The following GNB1L variants were observed in gnomAD, a reference collection of about 807,000 sequenced individuals.
GNB1L encodes the protein G protein subunit beta 1 like, also known as guanine nucleotide-binding protein subunit beta-like protein 1.
GNB1L carries 20 observed loss-of-function variants against 29.1 expected under a neutral mutation model. That is an observed-to-expected ratio of 0.69 (90% CI 0.48 to 1.00). GNB1L has a LOEUF of 1.00. GNB1L is among the 50% of genes least tolerant of loss of function. The pLI, the probability that GNB1L is intolerant of heterozygous loss-of-function variation, is 0.00. For synonymous variants in GNB1L, 193 were observed against 206.5 expected (o/e 0.93, Z 0.56); for missense variants, 421 against 464.9 (o/e 0.91, Z 0.87).
chr22:19,817,600 T>C (rs1937539763), intron 4 of GNB1L, among the ~76,000 whole-genome samples: 1 of 152,268 alleles, frequency 6.6e-6, no homozygotes, highest in Non-Finnish European at 1.5e-5. Flanking sequence ...ATGCTGCTCC[T>C]TATGTCTCCA....
At chr22:19,813,785 A>G (rs2145876617) in intron 4 of GNB1L, among the ~76,000 whole-genome samples, 1 of 152,270 alleles carries the variant, frequency 6.6e-6, no homozygotes, top group East Asian at 1.9e-4. Flanking sequence ...GCTTGAGCCC[A>G]GGAATTCCAG....
Position 19,847,711 on chromosome 22 carries a change from T to C in GNB1L, c.-21+6732A>G, listed in dbSNP as rs531784946. 13 of 983,902 alleles carry C rather than the reference T, an allele frequency of 1.3e-5. No individual in the cohort carries two copies. The African/African-American group carries it at 2.1e-4, about 16-fold the overall frequency. The allele number at this position is 983,902 out of a possible 1,614,324, so 60.9% of individuals were successfully genotyped here. A position where few individuals can be genotyped will look rare whatever the true frequency, so the allele number is the denominator to read the frequency against. On this transcript the variant is annotated intron_variant, in intron 2 of 7. Transcript: ENST00000329517. ...ATTGTTACGTGGTCAAATTATATTA[T>C]TGTGTATTCCCACCAACAGTATGAG... is the stretch of plus-strand genomic sequence containing the variant.
chr22:19,849,188 C>T, intron 2 of GNB1L: 2 of 985,402 alleles, frequency 2.0e-6, no homozygotes, highest in Non-Finnish European at 2.4e-6. Context: ...AGGGCTATAC[C>T]TGCTTTCTAA....
In GNB1L at chr22:19,788,584, A is replaced by G. The variant is rs1271448598; in HGVS notation, c.*125T>C. On this transcript the variant is annotated 3_prime_UTR_variant, in exon 8 of 8. Coordinates refer to ENST00000329517, the MANE Select transcript of GNB1L (RefSeq NM_053004.3). Reference sequence around the variant, plus strand: ...TACCAACCTCATGAAGACAGCGGGGACTCCATGGTCCTTGGGCCATGACTT... The same window carrying G: ...TACCAACCTCATGAAGACAGCGGGGGCTCCATGGTCCTTGGGCCATGACTT... The G allele has an allele frequency of 8.6e-7, 1 of 1,165,896 alleles. No homozygotes were observed. The highest frequency in any genetic ancestry group is 2.3e-5 in the East Asian group (1 of 42,880). 72.2% of individuals were successfully genotyped at this position (1,165,896 alleles called of 1,614,324 possible).
chr22:19,854,354 G>A (rs902174641), intron 2 of GNB1L, 89 bp downstream of exon 2: 1 of 152,800 alleles, frequency 6.5e-6, no homozygotes, highest in Admixed American at 6.5e-5. Context: ...AGCAAGCTGA[G>A]TGCAGACGAC....
chr22:19,819,559 C>T (rs925607792), intron 4 of GNB1L, among the ~76,000 whole-genome samples: 5 of 152,190 alleles, frequency 3.3e-5, no homozygotes, highest in Admixed American at 1.3e-4. Flanking sequence ...ACAGCAGTCA[C>T]GGAGGGTAGG....
intron 2 of GNB1L, among the ~76,000 whole-genome samples, chr22:19,838,994 C>T (rs367839588): frequency 6.6e-6 from 1 of 152,170 alleles, no homozygotes; most frequent in Non-Finnish European, 1.5e-5. Context: ...CAGAAAGGAA[C>T]AAACTATTGA....
rs1937213448 is a variant in GNB1L at position 19,788,564 on chromosome 22, A to G, written c.*145T>C. 9.5e-7 allele frequency: 1 copy of G among 1,052,540 alleles called. No individual in the cohort carries two copies. The highest frequency in any genetic ancestry group is 1.5e-6 in the Non-Finnish European group (1 of 669,202). 65.2% of individuals were successfully genotyped at this position (1,052,540 alleles called of 1,614,324 possible). On this transcript the variant is annotated 3_prime_UTR_variant, in exon 8 of 8. Coordinates refer to ENST00000329517, the MANE Select transcript of GNB1L (RefSeq NM_053004.3). Reference sequence around the variant, plus strand: ...AGGCACTCCACAAAAGGAAATACCAACCTCATGAAGACAGCGGGGACTCCA... The same window carrying G: ...AGGCACTCCACAAAAGGAAATACCAGCCTCATGAAGACAGCGGGGACTCCA...
intron 4 of GNB1L, among the ~76,000 whole-genome samples, chr22:19,819,670 C>T (rs1411029424): frequency 6.6e-6 from 1 of 152,178 alleles, no homozygotes; most frequent in East Asian, 1.9e-4. Flanking sequence ...GGTCTGAATA[C>T]CAATGGGGAC....
chr22:19,846,508 C>A, intron 2 of GNB1L: 1 of 985,496 alleles, frequency 1.0e-6, no homozygotes, highest in Non-Finnish European at 1.2e-6. Context: ...ACCACAGAAG[C>A]CTGCCCAATA....
In GNB1L at chr22:19,788,800, A is replaced by G. The variant is rs1370067680; in HGVS notation, c.893T>C (p.Val298Ala). 1 of 1,612,636 alleles carries G rather than the reference A, an allele frequency of 6.2e-7. No individual in the cohort carries two copies. The part of the protein sequence containing the change: ...LAVLAFHSAA[V>A]QCVAFTADGL... ...ATCGGCGGTGAAGGCCACGCACTGG[A>G]CAGCGGCGCTGTGGAAGGCCAGCAC... The change falls in exon 8 of 8, where the codon GTC becomes GCC. Residue 298 changes from valine (V) to alanine (A), a missense_variant. Physicochemically the swap from Val to Ala is moderately conservative, Grantham distance 64. Transcript: ENST00000329517.
At chr22:19,811,543 C>T (rs1937500710) in intron 5 of GNB1L, among the ~76,000 whole-genome samples, 1 of 152,164 alleles carries the variant, frequency 6.6e-6, no homozygotes, top group South Asian at 2.1e-4. Flanking sequence ...CCCCGCACAT[C>T]TTGGGCACCC....
At chr22:19,805,954 G>A (rs1189943326) in intron 6 of GNB1L, among the ~76,000 whole-genome samples, 2 of 152,152 alleles carry the variant, frequency 1.3e-5, no homozygotes, top group African/African-American at 2.4e-5. Context: ...GGACATGAGC[G>A]GCCCCGAGGA....
intron 6 of GNB1L, among the ~76,000 whole-genome samples, 171 bp from the exon 7 acceptor site, chr22:19,802,387 A>G (rs1025294699): frequency 3.3e-5 from 5 of 152,116 alleles, no homozygotes; most frequent in African/African-American, 1.2e-4. Flanking sequence ...GCCCTCCCAC[A>G]CAGCCCCTGG....
At chr22:19,818,848 A>AGGC (rs1937555895) in intron 4 of GNB1L, among the ~76,000 whole-genome samples, 1 of 152,134 alleles carries the variant, frequency 6.6e-6, no homozygotes, top group Non-Finnish European at 1.5e-5. Flanking sequence ...CACTCTGATC[A>AGGC]AGGACAATAG....
intron 3 of GNB1L, 22 bp from the exon 4 acceptor site, chr22:19,820,745 G>A: frequency 2.5e-6 from 4 of 1,600,244 alleles, no homozygotes; most frequent in Non-Finnish European, 3.4e-6. Context: ...AAGCCGAGCA[G>A]GGTGTCAGGG....
intron 2 of GNB1L, among the ~76,000 whole-genome samples, chr22:19,822,050 C>T (rs891403154): frequency 7.9e-5 from 12 of 152,062 alleles, no homozygotes; most frequent in Admixed American, 2.0e-4. Context: ...CACAGGGTCC[C>T]GGGGGGCTGC....
intron 2 of GNB1L, among the ~76,000 whole-genome samples, chr22:19,823,311 C>T (rs1304084296): frequency 1.3e-5 from 2 of 152,208 alleles, no homozygotes; most frequent in Admixed American, 6.5e-5. Context: ...GGACCAGACC[C>T]CACACTGCTC....
intron 2 of GNB1L, among the ~76,000 whole-genome samples, chr22:19,838,944 C>G (rs1039617985): frequency 1.3e-5 from 2 of 152,138 alleles, no homozygotes; most frequent in African/African-American, 4.8e-5. Context: ...GAAAATAACC[C>G]AAATGACCAT....
Sources: gnomAD v4.1 joint callset for allele counts (sites outside exome capture counted in the v4.1 genomes callset) on GRCh38, gnomAD v4.1.1 for gene constraint, MANE v1.5 for transcripts, NCBI Gene and HGNC (gene_info 2026-07-23, HGNC 2026-07-21) for gene names.